The following SLC2A13 variants were observed in gnomAD, a reference collection of about 807,000 sequenced individuals.
The protein encoded by SLC2A13 is proton myo-inositol cotransporter.
In SLC2A13, 32 loss-of-function variants were observed where a neutral mutation model predicts 64.4. The observed-to-expected ratio is 0.50, with a 90% CI of 0.37 to 0.67. The LOEUF (loss-of-function observed/expected upper bound fraction) is 0.67. SLC2A13 is among the 30% of genes least tolerant of loss of function. The pLI is 0.00. For synonymous variants in SLC2A13, 338 were observed against 327.1 expected (o/e 1.03, Z -0.36); for missense variants, 743 against 829.2 (o/e 0.90, Z 1.28).
intron 2 of SLC2A13, among the ~76,000 whole-genome samples, chr12:40,038,819 T>C (rs1948034455): frequency 6.6e-6 from 1 of 151,554 alleles, no homozygotes; most frequent in African/African-American, 2.4e-5. Context: ...TAAAATAATA[T>C]GTATAGTGCA....
intron 3 of SLC2A13, among the ~76,000 whole-genome samples, chr12:39,961,623 C>A (rs972189087): frequency 2.6e-5 from 4 of 152,036 alleles, no homozygotes; most frequent in Admixed American, 2.6e-4. Flanking sequence ...CTCAACCTCC[C>A]GAGTAGTTGA....
intron 3 of SLC2A13, among the ~76,000 whole-genome samples, chr12:40,013,144 T>C (rs972769188): frequency 1.3e-5 from 2 of 151,670 alleles, no homozygotes; most frequent in Non-Finnish European, 2.9e-5. Context: ...AAAAAGGGTA[T>C]AGTCAAATCA....
intron 4 of SLC2A13, among the ~76,000 whole-genome samples, chr12:39,929,475 C>T (rs918301398): frequency 1.3e-5 from 2 of 151,268 alleles, no homozygotes; most frequent in Admixed American, 6.6e-5. Context: ...CGCTTGAACC[C>T]GGGAGGCAGA....
chr12:39,818,203 T>C (rs1489731765), intron 7 of SLC2A13, among the ~76,000 whole-genome samples: 1 of 151,970 alleles, frequency 6.6e-6, no homozygotes, highest in Non-Finnish European at 1.5e-5. Context: ...GTTCCTAAAA[T>C]CATCTGATTC....
Position 39,830,056 on chromosome 12 carries a change from G to A in SLC2A13, c.1445+47C>T, listed in dbSNP as rs143437320. The A allele has an allele frequency of 2.5e-4, 395 of 1,610,604 alleles. No homozygotes were observed. The African/African-American group carries it at 4.3e-3, about 18-fold the overall frequency. The stretch of plus-strand genomic sequence containing the variant: ...CTCTGAAAACTTAAACATAAGCCTC[G>A]TTTTGAAATATTATTATATATTCGT... On this transcript the variant is annotated intron_variant, in intron 7 of 9. Coordinates refer to ENST00000280871, the MANE Select transcript of SLC2A13 (RefSeq NM_052885.4).
At chr12:39,940,842 T>C (rs541097604) in intron 4 of SLC2A13, among the ~76,000 whole-genome samples, 15 of 150,990 alleles carry the variant, frequency 9.9e-5, no homozygotes, top group Non-Finnish European at 1.6e-4. Context: ...ACCATATTTG[T>C]AGTCTCTTAT....
At chr12:40,072,474 G>T (rs1937998565) in intron 1 of SLC2A13, among the ~76,000 whole-genome samples, 1 of 152,076 alleles carries the variant, frequency 6.6e-6, no homozygotes, top group African/African-American at 2.4e-5. Context: ...GGCCATTTCT[G>T]ATAGAAGGGT....
intron 2 of SLC2A13, among the ~76,000 whole-genome samples, chr12:40,042,618 A>C (rs897265050): frequency 6.6e-5 from 10 of 152,144 alleles, no homozygotes; most frequent in African/African-American, 2.4e-4. Context: ...TTTTTATGCT[A>C]ACTAAGAGTC....
intron 1 of SLC2A13, among the ~76,000 whole-genome samples, chr12:40,063,200 T>A (rs527680341): frequency 1.4e-4 from 22 of 152,234 alleles, no homozygotes; most frequent in Non-Finnish European, 2.1e-4. Flanking sequence ...TACATTTCAA[T>A]AACTAAAAAT....
rs181286302 is a variant in SLC2A13, at chr12:40,057,716, T to C, written c.557-9506A>G. Among the ~76,000 whole-genome samples the C allele has an allele frequency of 1.4e-3, 208 of 152,304 alleles. 1 individual carries two copies. Among genetic ancestry groups the C allele is most frequent in the African/African-American group, 4.8e-3 (198 of 41,586 alleles). ...ACTGGTCTTTTTCTGTTCTAGCATGTGATAACAATGGCTAAGAATTTTACG... is the reference window on the plus strand; with the variant it reads ...ACTGGTCTTTTTCTGTTCTAGCATGCGATAACAATGGCTAAGAATTTTACG... On this transcript the variant is annotated intron_variant, in intron 1 of 9. Transcript: ENST00000280871.
intron 4 of SLC2A13, among the ~76,000 whole-genome samples, chr12:39,873,943 T>C (rs1026398857): frequency 3.3e-5 from 5 of 152,198 alleles, no homozygotes; most frequent in Non-Finnish European, 5.9e-5. Flanking sequence ...TATTTATTTA[T>C]TAAGTACCTA....
At position 39,930,813 on chromosome 12, in the gene SLC2A13, G is replaced by GA. The variant is rs550585296; in HGVS notation, c.1034+20443dup. Reference sequence around the variant, plus strand: ...TTCAGAACATCATTTATTGTTTAATGAAAAAACCTTAAAATCAGCAAATTA... The same window carrying GA: ...TTCAGAACATCATTTATTGTTTAATGAAAAAAACCTTAAAATCAGCAAATTA... On this transcript the variant is annotated intron_variant, in intron 4 of 9. Coordinates refer to ENST00000280871, the MANE Select transcript of SLC2A13 (RefSeq NM_052885.4). Among the ~76,000 whole-genome samples the GA allele has an allele frequency of 3.7e-3, 570 of 152,220 alleles. 2 individuals are homozygous for GA. The highest frequency in any genetic ancestry group is 6.5e-3 in the Non-Finnish European group (445 of 68,012).
intron 4 of SLC2A13, among the ~76,000 whole-genome samples, chr12:39,916,230 C>T (rs934623129): frequency 6.6e-6 from 1 of 151,788 alleles, no homozygotes; most frequent in African/African-American, 2.4e-5. Flanking sequence ...CCAAGCAGAA[C>T]AGGACATAAT....
chr12:39,828,399 T>G (rs1404564603), intron 7 of SLC2A13, among the ~76,000 whole-genome samples: 1 of 152,116 alleles, frequency 6.6e-6, no homozygotes, highest in Non-Finnish European at 1.5e-5. Flanking sequence ...TACAGGATGA[T>G]GGTATAAAAA....
At chr12:40,076,862 G>C (rs1273786419) in intron 1 of SLC2A13, among the ~76,000 whole-genome samples, 1 of 152,012 alleles carries the variant, frequency 6.6e-6, no homozygotes, top group Non-Finnish European at 1.5e-5. Context: ...ATTCTGACTG[G>C]TATGAGATGC....
chr12:40,087,033 G>C (rs557590149), intron 1 of SLC2A13, among the ~76,000 whole-genome samples: 1 of 152,118 alleles, frequency 6.6e-6, no homozygotes, highest in Admixed American at 6.5e-5. Context: ...AATGTACCCA[G>C]TCCTCAGATT....
At chr12:40,088,559 C>G (rs1938661628) in intron 1 of SLC2A13, among the ~76,000 whole-genome samples, 3 of 152,166 alleles carry the variant, frequency 2.0e-5, no homozygotes, top group African/African-American at 7.2e-5. Flanking sequence ...GGGAGTTAGT[C>G]TAGCTGTAGA....
rs148585160 is a variant in SLC2A13 at position 39,858,852 on chromosome 12, C to T, written c.1319+5910G>A. On this transcript the variant is annotated intron_variant, in intron 6 of 9. Coordinates refer to ENST00000280871, the MANE Select transcript of SLC2A13 (RefSeq NM_052885.4). ...CGAACTCCTGACCTCATGATCCACCCGCTTTGGCCTCCCAAAGTGCTGGGA... is the reference window on the plus strand; with the variant it reads ...CGAACTCCTGACCTCATGATCCACCTGCTTTGGCCTCCCAAAGTGCTGGGA... Among the ~76,000 whole-genome samples, 228 of 152,256 alleles carry T rather than the reference C, an allele frequency of 1.5e-3. 2 individuals are homozygous for T. The highest frequency in any genetic ancestry group is 2.8e-3 in the Non-Finnish European group (192 of 68,016).
At chr12:40,089,026 A>T (rs966526684) in intron 1 of SLC2A13, among the ~76,000 whole-genome samples, 2 of 152,192 alleles carry the variant, frequency 1.3e-5, no homozygotes, top group Non-Finnish European at 2.9e-5. Context: ...GTGCTTTAAG[A>T]GCACAAGATT....
Sources: allele counts gnomAD v4.1 joint callset (sites outside exome capture counted in the v4.1 genomes callset), GRCh38; gene constraint gnomAD v4.1.1; transcripts MANE v1.5; gene names NCBI Gene and HGNC (gene_info 2026-07-23, HGNC 2026-07-21).